The following ZW10 variants were observed in gnomAD, a reference collection of about 807,000 sequenced individuals.
The protein encoded by ZW10 is zw10 kinetochore protein, also known as centromere/kinetochore protein zw10 homolog.
ZW10 carries 53 observed loss-of-function variants against 87.8 expected under a neutral mutation model. That is an observed-to-expected ratio of 0.60 (90% CI 0.48 to 0.76). The LOEUF (loss-of-function observed/expected upper bound fraction) is 0.76. ZW10 is among the 30% of genes least tolerant of loss of function. ZW10 has a pLI of 0.00. For synonymous variants in ZW10, 312 were observed against 329.2 expected, an observed-to-expected ratio of 0.95 and a Z score of 0.57; for missense variants, 837 against 923.0, an observed-to-expected ratio of 0.91 and a Z score of 1.21.
At chr11:113,763,400 T>G (rs1953882180) in intron 2 of ZW10, among the ~76,000 whole-genome samples, 1 of 152,236 alleles carries the variant, frequency 6.6e-6, no homozygotes, top group Non-Finnish European at 1.5e-5. Context: ...GACTGCTGGG[T>G]CAAATGGTAT....
At chr11:113,759,527 A>G (rs577461522) in intron 5 of ZW10, among the ~76,000 whole-genome samples, 1 of 152,322 alleles carries the variant, frequency 6.6e-6, no homozygotes, top group South Asian at 2.1e-4. Context: ...GTTGGAAAAT[A>G]CACCAGGTAC....
At chr11:113,740,678 G>T (rs1953605797) in intron 11 of ZW10, among the ~76,000 whole-genome samples, 2 of 152,210 alleles carry the variant, frequency 1.3e-5, no homozygotes, top group South Asian at 4.1e-4. Context: ...AAGGACAGTG[G>T]TTCTCAAAAT....
intron 7 of ZW10, among the ~76,000 whole-genome samples, chr11:113,752,609 T>A (rs1464070911): frequency 1.3e-5 from 2 of 152,204 alleles, no homozygotes; most frequent in Admixed American, 6.5e-5. Flanking sequence ...GACATTACCA[T>A]TGCAATTGTT....
At position 113,758,648 on chromosome 11, in the gene ZW10, C is replaced by G; in HGVS notation, c.639G>C (p.Ser213=). ...GCATAGGGGTCTTCTCCTCTTTGTG[C>G]GATTGTTCAGTGTATAAATGAAGTT... ...QTELHLYTEQ[S]HKEEKTPMPP... The change falls in exon 6 of 16, where the codon TCG becomes TCC. Residue 213 remains serine (S), a synonymous_variant. Coordinates refer to ENST00000200135, the MANE Select transcript of ZW10 (RefSeq NM_004724.4). 6.2e-7 allele frequency: 1 copy of G among 1,613,892 alleles called. No individual in the cohort carries two copies. Among genetic ancestry groups the G allele is most frequent in the African/African-American group, 1.3e-5 (1 of 74,982 alleles).
intron 2 of ZW10, among the ~76,000 whole-genome samples, chr11:113,766,894 G>A (rs1285777178): frequency 6.6e-6 from 1 of 150,632 alleles, no homozygotes; most frequent in Non-Finnish European, 1.5e-5. Flanking sequence ...GCACACGCCT[G>A]TAATCCCAGC....
At chr11:113,762,362 G>A (rs1184420821) in intron 2 of ZW10, among the ~76,000 whole-genome samples, 2 of 152,174 alleles carry the variant, frequency 1.3e-5, no homozygotes, top group African/African-American at 2.4e-5. Context: ...GTCAGTGGGT[G>A]AGTGGTGAGT....
In ZW10 at chr11:113,743,986, T is replaced by C. The variant is rs1237842497; in HGVS notation, c.1327A>G (p.Asn443Asp). 6 of 1,614,242 alleles carry C rather than the reference T, an allele frequency of 3.7e-6. No individual in the cohort carries two copies. The East Asian group carries it at 8.9e-5, about 24-fold the overall frequency. The change falls in exon 10 of 16, where the codon AAC becomes GAC. Residue 443 changes from asparagine to aspartate, a missense_variant. Coordinates refer to ENST00000200135, the MANE Select transcript of ZW10 (RefSeq NM_004724.4). Reference protein sequence around the residue: ...VPELPTPDEDNKLEVQKVSNT... With the variant: ...VPELPTPDEDDKLEVQKVSNT... Reference sequence around the variant, plus strand: ...GATACTTTCTGTACTTCCAGTTTGTTATCCTCATCAGGAGTGGGTAACTCT... The same window carrying C: ...GATACTTTCTGTACTTCCAGTTTGTCATCCTCATCAGGAGTGGGTAACTCT...
intron 2 of ZW10, among the ~76,000 whole-genome samples, chr11:113,762,311 C>T (rs1245051371): frequency 6.6e-6 from 1 of 152,056 alleles, no homozygotes; most frequent in Non-Finnish European, 1.5e-5. Context: ...AGGGCACTTA[C>T]CATGAATGTA....
At chr11:113,765,047 G>C (rs1953897039) in intron 2 of ZW10, among the ~76,000 whole-genome samples, 1 of 152,214 alleles carries the variant, frequency 6.6e-6, no homozygotes, top group Non-Finnish European at 1.5e-5. Context: ...TGCACCATGA[G>C]AGAGTTCTAT....
rs74545204 is a variant in ZW10 at position 113,759,518 on chromosome 11, T to C, written c.580+691A>G. 6.5e-3 allele frequency among the ~76,000 whole-genome samples: 987 copies of C among 152,234 alleles called. 10 individuals carry two copies. The highest frequency in any genetic ancestry group is 0.023 in the African/African-American group (954 of 41,528). On this transcript the variant is annotated intron_variant, in intron 5 of 15. Transcript: ENST00000200135. ...ATACACTAAATTTCAAAATCCAGTG[T>C]TGGAAAATACACCAGGTACAATAGC...
chr11:113,749,589 A>G (rs1390729747), intron 7 of ZW10, among the ~76,000 whole-genome samples: 1 of 152,184 alleles, frequency 6.6e-6, no homozygotes, highest in African/African-American at 2.4e-5. Flanking sequence ...ACCAATGTCA[A>G]TTTCCTGGTT....
At chr11:113,759,084 A>C (rs1953830423) in intron 5 of ZW10, among the ~76,000 whole-genome samples, 1 of 152,144 alleles carries the variant, frequency 6.6e-6, no homozygotes, top group Admixed American at 6.6e-5. Context: ...GGGTGGGAGA[A>C]GTAGTTGGGG....
chr11:113,769,534 TAAAC>T, intron 1 of ZW10: 1 of 161,988 alleles, frequency 6.2e-6, no homozygotes, highest in African/African-American at 2.4e-5. Flanking sequence ...CAAAGTAACT[TAAAC>T]AAAGTACTGA....
chr11:113,772,519 A>G (rs1339342681), intron 1 of ZW10, among the ~76,000 whole-genome samples: 1 of 152,190 alleles, frequency 6.6e-6, no homozygotes, highest in Admixed American at 6.5e-5. Flanking sequence ...AAGCAACTGA[A>G]GATGTGGACA....
chr11:113,742,568 T>C (rs181726218), intron 10 of ZW10, among the ~76,000 whole-genome samples: 18 of 152,314 alleles, frequency 1.2e-4, no homozygotes, highest in African/African-American at 4.3e-4. Flanking sequence ...GTTTGTCCTG[T>C]TAAAAACTAT....
chr11:113,754,827 T>G (rs904786630), intron 7 of ZW10, among the ~76,000 whole-genome samples: 1 of 152,074 alleles, frequency 6.6e-6, no homozygotes, highest in African/African-American at 2.4e-5. Context: ...ATGTTACCCA[T>G]AGCAATACCC....
intron 15 of ZW10, among the ~76,000 whole-genome samples, chr11:113,735,095 T>C (rs1953534676): frequency 6.6e-6 from 1 of 152,166 alleles, no homozygotes; most frequent in African/African-American, 2.4e-5. Context: ...TGAAATTTAT[T>C]CTTTTTCTTT....
intron 7 of ZW10, among the ~76,000 whole-genome samples, 159 bp from the exon 8 acceptor site, chr11:113,748,579 C>A (rs1173625791): frequency 6.6e-6 from 1 of 152,156 alleles, no homozygotes; most frequent in Non-Finnish European, 1.5e-5. Context: ...TCATGACACA[C>A]AATTATTATT....
At chr11:113,766,230 T>C (rs909369717) in intron 2 of ZW10, among the ~76,000 whole-genome samples, 2 of 151,946 alleles carry the variant, frequency 1.3e-5, no homozygotes, top group Non-Finnish European at 2.9e-5. Flanking sequence ...CTGGGCATGA[T>C]GGCTTATACC....
Sources: allele counts gnomAD v4.1 joint callset (sites outside exome capture counted in the v4.1 genomes callset), GRCh38; gene constraint gnomAD v4.1.1; transcripts MANE v1.5; gene names NCBI Gene and HGNC (gene_info 2026-07-23, HGNC 2026-07-21).